Variants in SMC6 observed in about 807,000 individuals in gnomAD.
SMC6 encodes the protein structural maintenance of chromosomes 6, also known as structural maintenance of chromosomes protein 6.
In SMC6, 79 loss-of-function variants were observed where a neutral mutation model predicts 142.2. That is an observed-to-expected ratio of 0.56 (90% CI 0.46 to 0.67). The LOEUF (loss-of-function observed/expected upper bound fraction) is 0.67, where lower values mean the gene tolerates loss of function less well. Ranked by LOEUF, SMC6 falls within the 30% of genes least tolerant of loss-of-function variation. SMC6 has a pLI of 0.00. For synonymous variants in SMC6, 411 were observed against 412.4 expected (o/e 1.00, Z 0.04); for missense variants, 1,072 against 1,284.0 (o/e 0.83, Z 2.52).
intron 3 of SMC6, 39 bp from the exon 4 acceptor site, chr2:17,741,768 A>T: frequency 7.4e-7 from 1 of 1,351,716 alleles, no homozygotes; most frequent in Non-Finnish European, 1.0e-6. Context: ...GGTCAATCTA[A>T]TTCACTCATT....
Position 17,689,161 on chromosome 2 carries a change from G to C in SMC6, c.2679-5398C>G, listed in dbSNP as rs180840468. 1.3e-4 allele frequency among the ~76,000 whole-genome samples: 20 copies of C among 152,218 alleles called. No individual in the cohort carries two copies. The East Asian group carries it at 3.1e-3, about 24-fold the overall frequency. On this transcript the variant is annotated intron_variant, in intron 23 of 27. Transcript: ENST00000448223. ...TAAGAGAGAGAGAGAGAAATAGATA[G>C]ACAGATTATGTGCCTCTGGATGTGA... is the stretch of plus-strand genomic sequence containing the variant.
chr2:17,749,850 A>G (rs186776453), intron 2 of SMC6, among the ~76,000 whole-genome samples: 87 of 152,354 alleles, frequency 5.7e-4, no homozygotes, highest in South Asian at 1.0e-3. Flanking sequence ...GTAGTGACAC[A>G]CATAACAGAA....
intron 6 of SMC6, 67 bp downstream of exon 6, chr2:17,731,674 A>G: frequency 1.4e-6 from 2 of 1,458,988 alleles, no homozygotes; most frequent in South Asian, 2.5e-5. Flanking sequence ...CAATACCAGC[A>G]GTCATCTAAT....
At position 17,670,448 on chromosome 2, in the gene SMC6, C is replaced by T. The variant is rs776869384; in HGVS notation, c.3038G>A (p.Cys1013Tyr). ...CATGTAGACATCAAATTCATCCAGG[C>T]ATCTGAAAGGAGATTCTGCGATGGA... ...LWSIAESPFR[C>Y]LDEFDVYMDM... Residue 1013 changes from cysteine to tyrosine, a missense_variant, in exon 26 of 28, where the codon TGC becomes TAC. Physicochemically the swap from Cys to Tyr is radical, Grantham distance 194. This residue lies in a region of SMC6 where 76 missense variants were observed against 112.3 expected (regional missense o/e 0.68). Coordinates refer to ENST00000448223, the MANE Select transcript of SMC6 (RefSeq NM_001142286.2). 6.2e-7 allele frequency: 1 copy of T among 1,613,458 alleles called. No homozygotes were observed. The highest frequency in any genetic ancestry group is 8.5e-7 in the Non-Finnish European group (1 of 1,179,732).
intron 21 of SMC6, among the ~76,000 whole-genome samples, chr2:17,698,899 T>C (rs180851459): frequency 4.5e-4 from 69 of 152,216 alleles, no homozygotes; most frequent in Non-Finnish European, 8.7e-4. Context: ...AACATCACAG[T>C]CTCCTGGCAT....
chr2:17,692,252 A>T (rs945121347), intron 23 of SMC6, among the ~76,000 whole-genome samples: 5 of 152,214 alleles, frequency 3.3e-5, no homozygotes, highest in African/African-American at 1.2e-4. Context: ...TGCCAAGTCA[A>T]TCCTAAGCCA....
At chr2:17,706,235 T>A (rs1431170953) in intron 18 of SMC6, among the ~76,000 whole-genome samples, 1 of 152,192 alleles carries the variant, frequency 6.6e-6, no homozygotes, top group Non-Finnish European at 1.5e-5. Context: ...TAATTTTTTT[T>A]ATGAACCACG....
chr2:17,716,019 C>A, intron 15 of SMC6, 67 bp downstream of exon 15: 1 of 1,257,090 alleles, frequency 8.0e-7, no homozygotes, highest in South Asian at 2.2e-5. Flanking sequence ...AAACTTCATT[C>A]AATCGTTCTG....
chr2:17,731,873 C>T lies in SMC6; in HGVS notation c.349G>A (p.Ala117Thr). ...TTCCTCAATGTTATTGAGATATCTGCAGAGCTGAAAGAATGAGGTTGAGCT... is the reference window on the plus strand; with the variant it reads ...TTCCTCAATGTTATTGAGATATCTGTAGAGCTGAAAGAATGAGGTTGAGCT... ...KGFVKDGQNS[A>T]DISITLRNRG... The change falls in exon 6 of 28, where the codon GCA (alanine) becomes ACA (threonine). Residue 117 changes from alanine to threonine, a missense_variant. Physicochemically the swap from Ala to Thr is moderately conservative, Grantham distance 58. This residue lies in a region of SMC6 where 994 missense variants were observed against 1,153.2 expected (regional missense o/e 0.86). Transcript: ENST00000448223. 6.2e-7 allele frequency: 1 copy of T among 1,613,058 alleles called. No homozygotes were observed. The highest frequency in any genetic ancestry group is 1.3e-5 in the African/African-American group (1 of 75,004).
chr2:17,718,296 G>A (rs1669203442), intron 11 of SMC6, 73 bp from the exon 12 acceptor site: 5 of 977,212 alleles, frequency 5.1e-6, no homozygotes, highest in Non-Finnish European at 7.1e-6. Flanking sequence ...ATTATCTATA[G>A]TTCATATACC....
chr2:17,679,112 A>T, intron 24 of SMC6, 148 bp from the exon 25 acceptor site: 1 of 541,740 alleles, frequency 1.8e-6, no homozygotes, highest in Non-Finnish European at 3.2e-6. Context: ...AGTTTTAGGT[A>T]GTATTTTTTG....
At chr2:17,666,300 G>A (rs1380235129) in intron 27 of SMC6, 120 bp downstream of exon 27, 1 of 663,490 alleles carries the variant, frequency 1.5e-6, no homozygotes, top group Admixed American at 2.8e-5. Flanking sequence ...ACCAGTAGGG[G>A]AGCTAATTTT....
In SMC6 at chr2:17,697,898, G is replaced by A. The variant is rs1387373799; in HGVS notation, c.2395-1472C>T. Among the ~76,000 whole-genome samples, 3 of 152,054 alleles carry A rather than the reference G, an allele frequency of 2.0e-5. No individual in the cohort carries two copies. In the East Asian group the frequency reaches 5.8e-4, roughly 29 times the overall value. On this transcript the variant is annotated intron_variant, in intron 21 of 27. Coordinates refer to ENST00000448223, the MANE Select transcript of SMC6 (RefSeq NM_001142286.2). The stretch of plus-strand genomic sequence containing the variant: ...AACTTGTACATGAATGTTCGCAGCA[G>A]CAGCACCCAAATGTCCATCAATTGA...
At chr2:17,718,914 T>C (rs1447677997) in intron 11 of SMC6, among the ~76,000 whole-genome samples, 2 of 152,154 alleles carry the variant, frequency 1.3e-5, no homozygotes, top group Admixed American at 6.6e-5. Context: ...TAGATTACTC[T>C]GGAAGCACTT....
intron 5 of SMC6, 112 bp from the exon 6 acceptor site, chr2:17,731,989 T>C: frequency 4.6e-6 from 5 of 1,095,768 alleles, no homozygotes; most frequent in Admixed American, 2.6e-5. Flanking sequence ...CCAATTCATT[T>C]GCAAATTAGA....
At chr2:17,698,958 A>G (rs1408489254) in intron 21 of SMC6, among the ~76,000 whole-genome samples, 1 of 152,074 alleles carries the variant, frequency 6.6e-6, no homozygotes, top group Non-Finnish European at 1.5e-5. Context: ...TCCCTTTTGT[A>G]TCCCTTTTCT....
chr2:17,746,102 C>A, intron 2 of SMC6, 151 bp from the exon 3 acceptor site: 1 of 764,942 alleles, frequency 1.3e-6, no homozygotes, highest in Non-Finnish European at 1.9e-6. Flanking sequence ...TTGCATCTTG[C>A]ACTAAGGAAG....
rs531095283 is a variant in SMC6 at position 17,734,646 on chromosome 2, A to C, written c.345-2769T>G. On this transcript the variant is annotated intron_variant, in intron 5 of 27. Coordinates refer to ENST00000448223, the MANE Select transcript of SMC6 (RefSeq NM_001142286.2). The stretch of plus-strand genomic sequence containing the variant: ...ACCAAACACCTACTTTATTATCTTC[A>C]TTCCTAGCTACTCCTTGTATTTAAA... Among the ~76,000 whole-genome samples, 6 of 152,282 alleles carry C rather than the reference A, an allele frequency of 3.9e-5. No individual in the cohort carries two copies. The East Asian group carries it at 1.2e-3, about 29-fold the overall frequency.
intron 3 of SMC6, among the ~76,000 whole-genome samples, chr2:17,744,362 C>T (rs923463831): frequency 6.6e-6 from 1 of 152,040 alleles, no homozygotes; most frequent in African/African-American, 2.4e-5. Context: ...TGAATTTTAA[C>T]GTCCATGTGT....
Sources: allele counts gnomAD v4.1 joint callset (sites outside exome capture counted in the v4.1 genomes callset), GRCh38; gene constraint gnomAD v4.1.1; regional missense constraint gnomAD v4.1.1; transcripts MANE v1.5; gene names NCBI Gene and HGNC (gene_info 2026-07-23, HGNC 2026-07-21).